POP1: variants seen among roughly 807,000 people sequenced by gnomAD.
POP1 encodes the protein ribonucleases P/MRP protein subunit POP1.
A neutral mutation model predicts 102.2 loss-of-function variants in POP1; 75 were observed. That is an observed-to-expected ratio of 0.73 (90% confidence interval 0.61 to 0.89). POP1 has a LOEUF of 0.89. Ranked by LOEUF, POP1 falls within the 40% of genes least tolerant of loss-of-function variation. The pLI, the probability that POP1 is intolerant of heterozygous loss-of-function variation, is 0.00. For missense variants in POP1, 1,116 were observed against 1,267.4 expected (o/e 0.88, Z 1.81); for synonymous variants, 436 against 464.1 (o/e 0.94, Z 0.78).
chr8:98,134,413 G>A, intron 6 of POP1, 59 bp from the exon 7 acceptor site: 1 of 1,543,354 alleles, frequency 6.5e-7, no homozygotes, highest in South Asian at 1.1e-5. Flanking sequence ...TGGTTATCAG[G>A]AAATAGGACT....
chr8:98,133,865 G>C, intron 5 of POP1, 84 bp from the exon 6 acceptor site: 1 of 1,014,930 alleles, frequency 9.9e-7, no homozygotes. Flanking sequence ...GCCTCTAAAG[G>C]TTTTGTGATA....
intron 1 of POP1, among the ~76,000 whole-genome samples, chr8:98,121,450 A>G (rs4734384): frequency 1.3e-5 from 2 of 150,796 alleles, no homozygotes; most frequent in South Asian, 4.2e-4. Flanking sequence ...ACAGCCTGCT[A>G]TGTGCAGAAA....
rs371524249 is a variant in POP1, at chr8:98,134,535, G to A, written c.887G>A (p.Arg296Gln). The change falls in exon 7 of 16, where the codon CGG becomes CAG. Residue 296 changes from arginine (R) to glutamine (Q), a missense_variant. Transcript: ENST00000401707. ...CGCCAAGGGAGCCTTGTGCTTTATC[G>A]GGTGAATAAATATCCCAGAGAAATG... ...GKRQGSLVLY[R>Q]VNKYPREMLG... 6.8e-6 allele frequency: 11 copies of A among 1,614,060 alleles called. No individual in the cohort carries two copies. Among genetic ancestry groups the A allele is most frequent in the Admixed American group, 3.3e-5 (2 of 60,002 alleles).
intron 5 of POP1, among the ~76,000 whole-genome samples, chr8:98,130,936 GCTTT>G (rs913256523): frequency 2.0e-5 from 3 of 152,170 alleles, no homozygotes; most frequent in East Asian, 1.9e-4. Context: ...TAATTCAGTT[GCTTT>G]CTATTTCTTC....
chr8:98,154,868 TA>T (rs909889728), intron 14 of POP1, among the ~76,000 whole-genome samples: 1 of 152,092 alleles, frequency 6.6e-6, no homozygotes, highest in African/African-American at 2.4e-5. Flanking sequence ...TGGTATAAAG[TA>T]ATCAAGATAT....
In POP1 at chr8:98,127,680, C is replaced by T. The variant is rs376683979; in HGVS notation, c.228C>T (p.Ser76=). The change falls in exon 3 of 16, where the codon TCC becomes TCT. Residue 76 remains serine (S), a synonymous_variant. Coordinates refer to ENST00000401707, the MANE Select transcript of POP1 (RefSeq NM_001145860.2). ...LPDPEVNEQS[S]SKGMFRKKGG... is the part of the protein sequence containing the mutation. ...ACCCTGAAGTGAATGAGCAGTCTTC[C>T]TCCAAAGGGATGTTTAGAAAAAAGG... is the stretch of plus-strand genomic sequence containing the variant. The T allele has an allele frequency of 5.6e-6, 9 of 1,614,006 alleles. No homozygotes were observed. In the Admixed American group the frequency reaches 6.7e-5, roughly 12 times the overall value.
At chr8:98,127,186 C>T (rs867562006) in intron 2 of POP1, among the ~76,000 whole-genome samples, 2 of 152,128 alleles carry the variant, frequency 1.3e-5, no homozygotes, top group Non-Finnish European at 2.9e-5. Flanking sequence ...ATGACCTAAT[C>T]GCCTCCTAAA....
At chr8:98,121,225 G>A (rs1816010197) in intron 1 of POP1, among the ~76,000 whole-genome samples, 1 of 152,204 alleles carries the variant, frequency 6.6e-6, no homozygotes, top group Admixed American at 6.5e-5. Flanking sequence ...CATAGTGAAA[G>A]CCCTTAAACA....
At chr8:98,118,109 C>T (rs1415723339) in intron 1 of POP1, among the ~76,000 whole-genome samples, 14 of 152,136 alleles carry the variant, frequency 9.2e-5, no homozygotes, top group Non-Finnish European at 2.1e-4. Context: ...GCTTTATTCC[C>T]TCTCATTTTG....
At chr8:98,150,414 C>T in intron 13 of POP1, 71 bp from the exon 14 acceptor site, 1 of 1,546,288 alleles carries the variant, frequency 6.5e-7, no homozygotes, top group Non-Finnish European at 8.9e-7. Context: ...TTTCCATTTT[C>T]CCCCATATAA....
At chr8:98,129,848 A>T in intron 4 of POP1, 130 bp from the exon 5 acceptor site, 1 of 1,085,596 alleles carries the variant, frequency 9.2e-7, no homozygotes, top group Non-Finnish European at 1.4e-6. Context: ...CTAAGTTAAC[A>T]ATTTAAGCAA....
At chr8:98,130,363 G>A (rs755293561) in intron 5 of POP1, 137 bp downstream of exon 5, 19 of 1,301,372 alleles carry the variant, frequency 1.5e-5, no homozygotes, top group Non-Finnish European at 2.0e-5. Flanking sequence ...CATGAAGCCC[G>A]GGTCCTTTGC....
intron 11 of POP1, among the ~76,000 whole-genome samples, chr8:98,142,565 T>C (rs565729188): frequency 6.6e-6 from 1 of 152,390 alleles, no homozygotes; most frequent in South Asian, 2.1e-4. Context: ...ATATAGTTTC[T>C]GCCGTACTAG....
At chr8:98,132,693 A>G (rs2130595130) in intron 5 of POP1, among the ~76,000 whole-genome samples, 1 of 152,162 alleles carries the variant, frequency 6.6e-6, no homozygotes, top group African/African-American at 2.4e-5. Context: ...CATACTAGGT[A>G]CATCTGGTTG....
At chr8:98,154,482 G>A (rs1563785825) in intron 14 of POP1, among the ~76,000 whole-genome samples, 1 of 152,186 alleles carries the variant, frequency 6.6e-6, no homozygotes, top group Admixed American at 6.5e-5. Flanking sequence ...GCAGGATACT[G>A]ACATCGCAGT....
Position 98,158,307 on chromosome 8 carries a change from C to CCCT in POP1, c.*36_*37insCCT. ...GTATCCCAGCAGGGCATAGATAATA[C>CCCT]GTTATTATTGTCTGCCAAGTTCTAC... On this transcript the variant is annotated 3_prime_UTR_variant, in exon 16 of 16. Coordinates refer to ENST00000401707, the MANE Select transcript of POP1 (RefSeq NM_001145860.2). 6.3e-7 allele frequency: 1 copy of CCCT among 1,596,504 alleles called. No individual in the cohort carries two copies. The highest frequency in any genetic ancestry group is 2.2e-5 in the East Asian group (1 of 44,864).
At chr8:98,133,463 A>T (rs1816440164) in intron 5 of POP1, among the ~76,000 whole-genome samples, 1 of 152,120 alleles carries the variant, frequency 6.6e-6, no homozygotes. Flanking sequence ...GTGTTAAGTA[A>T]TCTTGAGGTC....
chr8:98,133,866 T>C, intron 5 of POP1, 83 bp from the exon 6 acceptor site: 1 of 1,022,660 alleles, frequency 9.8e-7, no homozygotes, highest in South Asian at 1.3e-5. Flanking sequence ...CCTCTAAAGG[T>C]TTTGTGATAC....
chr8:98,124,989 C>T (rs1237364699), intron 2 of POP1, among the ~76,000 whole-genome samples: 1 of 152,122 alleles, frequency 6.6e-6, no homozygotes, highest in Non-Finnish European at 1.5e-5. Context: ...GAGTCAAGTT[C>T]ATAAGGTCTA....
Sources: gnomAD v4.1 joint callset for allele counts (sites outside exome capture counted in the v4.1 genomes callset) on GRCh38, gnomAD v4.1.1 for gene constraint, MANE v1.5 for transcripts, NCBI Gene and HGNC (gene_info 2026-07-23, HGNC 2026-07-21) for gene names.